ZNF185: variants seen among roughly 807,000 people sequenced by gnomAD.
ZNF185 encodes zinc finger protein 185.
ZNF185 carries 56 observed loss-of-function variants against 58.6 expected under a neutral mutation model. The observed-to-expected ratio is 0.95, with a 90% CI of 0.77 to 1.19. ZNF185 has a LOEUF of 1.19. ZNF185 is among the 50% of genes most tolerant of loss of function. The pLI, the probability that ZNF185 is intolerant of heterozygous loss-of-function variation, is 0.00. For missense variants in ZNF185, 627 were observed against 573.5 expected (o/e 1.09, Z -0.95); for synonymous variants, 230 against 215.9 (o/e 1.07, Z -0.57).
At chrX:152,923,767 G>A (rs1217972299) in intron 11 of ZNF185, among the ~76,000 whole-genome samples, 2 of 111,819 alleles carry the variant, frequency 1.8e-5, no homozygotes, top group Non-Finnish European at 3.8e-5. Context: ...TCTGACAGGA[G>A]GCGGAGCTAA....
intron 15 of ZNF185, among the ~76,000 whole-genome samples, chrX:152,939,773 G>C (rs1242244529): frequency 6.1e-5 from 5 of 81,724 alleles, no homozygotes; most frequent in Non-Finnish European, 7.1e-5. Context: ...CAAAATCAGA[G>C]GTGTTTTTTT....
At chrX:152,939,269 T>C (rs1556886369) in intron 15 of ZNF185, among the ~76,000 whole-genome samples, 1 of 112,055 alleles carries the variant, frequency 8.9e-6, no homozygotes, top group Non-Finnish European at 1.9e-5. Flanking sequence ...TGTGTTTCTT[T>C]TCTCATTCGA....
Position 152,922,746 on chromosome X carries a change from C to T in ZNF185, c.767C>T (p.Ser256Phe), listed in dbSNP as rs1940009825. The change falls in exon 11 of 23, where the codon TCT (serine) becomes TTT (phenylalanine). Residue 256 changes from serine (S) to phenylalanine (F), a missense_variant. Transcript: ENST00000449285. ...GCGGATGGAGGCAGGACCAAAGCGT[C>T]TCGGGCAATTTGGATCGAGTGCCTG... 3.3e-6 allele frequency: 4 copies of T among 1,199,850 alleles called. No individual in the cohort carries two copies. In the Admixed American group the frequency reaches 6.7e-5, roughly 20 times the overall value.
the ZNF185 span, among the ~76,000 whole-genome samples, chrX:152,904,326 C>T: frequency 8.9e-6 from 1 of 112,338 alleles, no homozygotes; most frequent in African/African-American, 3.2e-5. Flanking sequence ...GTGCCCCATC[C>T]CCCTGGATCT....
In ZNF185 at chrX:152,945,465, G is replaced by A. The variant is rs1556894288; in HGVS notation, c.1409+1G>A. ...TCAGACGAGAGAGTTGTGGCAGCAG[G>A]TAAGGGCTGAGCTGCAGTGGGCTCT... On this transcript the variant is annotated splice_donor_variant, in intron 16 of 22. Coordinates refer to ENST00000449285, the Ensembl canonical transcript of ZNF185. LOFTEE classifies it high-confidence loss of function. 1.7e-6 allele frequency: 2 copies of A among 1,196,009 alleles called. No individual in the cohort carries two copies. The highest frequency in any genetic ancestry group is 1.8e-5 in the South Asian group (1 of 54,558).
intron 11 of ZNF185, among the ~76,000 whole-genome samples, chrX:152,923,201 G>A (rs1187796244): frequency 8.9e-6 from 1 of 111,961 alleles, no homozygotes; most frequent in Non-Finnish European, 1.9e-5. Context: ...ATCCAGAAGG[G>A]GAGAGGGCCT....
chrX:152,931,923 T>G, intron 13 of ZNF185, 147 bp downstream of exon 14: 1 of 403,076 alleles, frequency 2.5e-6, no homozygotes, highest in Non-Finnish European at 4.2e-6. Context: ...CCCCAGTACC[T>G]GGGGTACTGC....
chrX:152,965,386 C>A (rs782750297), intron 18 of ZNF185, 61 bp from the exon 21 acceptor site: 961 of 1,079,589 alleles, frequency 8.9e-4, no homozygotes, highest in Non-Finnish European at 1.2e-3. Context: ...TCCTGTGGGC[C>A]AGGCCTGGTT....
chrX:152,905,722 G>GA, the ZNF185 span, among the ~76,000 whole-genome samples: 2 of 109,317 alleles, frequency 1.8e-5, no homozygotes, highest in Non-Finnish European at 3.8e-5. Context: ...TTGGGGGGGG[G>GA]GCGGGGTCAC....
At chrX:152,943,527 C>T (rs1301852317) in intron 15 of ZNF185, among the ~76,000 whole-genome samples, 1 of 112,527 alleles carries the variant, frequency 8.9e-6, no homozygotes, top group East Asian at 2.8e-4. Context: ...GACAGGATAG[C>T]TGGGAAGTAA....
chrX:152,941,789 G>C (rs1415719109), intron 15 of ZNF185: 1 of 1,163,086 alleles, frequency 8.6e-7, no homozygotes, highest in African/African-American at 1.8e-5. Context: ...GTCGCCCGAG[G>C]ATCACGAATG....
intron 15 of ZNF185, among the ~76,000 whole-genome samples, chrX:152,939,039 A>G (rs782246643): frequency 1.8e-5 from 2 of 111,614 alleles, no homozygotes; most frequent in South Asian, 7.5e-4. Context: ...GAGCTTGGCC[A>G]GTGAGGAGGG....
chrX:152,959,023 G>A (rs1474763197), intron 16 of ZNF185, among the ~76,000 whole-genome samples: 1 of 112,670 alleles, frequency 8.9e-6, no homozygotes, highest in Admixed American at 9.3e-5. Context: ...GGGCGAGATC[G>A]ACCGTGGAGA....
chrX:152,946,377 G>GTT (rs2047790057), intron 16 of ZNF185, among the ~76,000 whole-genome samples: 1 of 92,930 alleles, frequency 1.1e-5, no homozygotes, highest in Non-Finnish European at 2.3e-5. Flanking sequence ...ATTATTAATA[G>GTT]TTAGGTTATT....
At chrX:152,922,397 AG>A (rs1939916949) in intron 10 of ZNF185, 141 bp downstream of exon 11, 1 of 617,767 alleles carries the variant, frequency 1.6e-6, no homozygotes, top group East Asian at 3.6e-5. Context: ...GACGGGACAA[AG>A]AAATCAGTAA....
intron 14 of ZNF185, among the ~76,000 whole-genome samples, 187 bp from the exon 17 acceptor site, chrX:152,937,887 C>G (rs1375724940): frequency 8.9e-6 from 1 of 112,560 alleles, no homozygotes; most frequent in African/African-American, 3.2e-5. Flanking sequence ...AGGCCATGTC[C>G]AAAGCTGACA....
At chrX:152,973,007 T>A (rs1255361063) in exon 23 of ZNF185, 2 of 112,060 alleles carry the variant, frequency 1.8e-5, no homozygotes, top group Non-Finnish European at 3.8e-5. Context: ...GGATTTCCTC[T>A]GGAGGGCATG....
chrX:152,938,408 C>T (rs782511490), intron 15 of ZNF185, among the ~76,000 whole-genome samples: 29 of 112,660 alleles, frequency 2.6e-4, no homozygotes, highest in Admixed American at 8.4e-4. Context: ...TCAGCAACCA[C>T]TCTGACAGCA....
chrX:152,913,056 T>C (rs921099000), upstream of ZNF185, among the ~76,000 whole-genome samples: 1 of 112,322 alleles, frequency 8.9e-6, no homozygotes, highest in Non-Finnish European at 1.9e-5. Context: ...GTGGCAAATT[T>C]GGTTTGCTCT....
Sources: gnomAD v4.1 joint callset for allele counts (sites outside exome capture counted in the v4.1 genomes callset) on GRCh38, gnomAD v4.1.1 for gene constraint, MANE v1.5 for transcripts, NCBI Gene and HGNC (gene_info 2026-07-23, HGNC 2026-07-21) for gene names.